Variants in FAM3C observed in about 807,000 individuals in gnomAD.
The protein encoded by FAM3C is protein FAM3C.
Under a neutral mutation model 32.5 loss-of-function variants are expected in FAM3C, and 15 were observed. That is an observed-to-expected ratio of 0.46 (90% CI 0.31 to 0.71). The LOEUF (loss-of-function observed/expected upper bound fraction) is 0.71. Ranked by LOEUF, FAM3C falls within the 30% of genes least tolerant of loss-of-function variation. FAM3C has a pLI of 0.05. For missense variants in FAM3C, 175 were observed against 274.4 expected (o/e 0.64, Z 2.56); for synonymous variants, 75 against 86.1 (o/e 0.87, Z 0.72).
chr7:121,355,158 A>G (rs1206925990), intron 8 of FAM3C, among the ~76,000 whole-genome samples: 2 of 152,212 alleles, frequency 1.3e-5, no homozygotes, highest in Non-Finnish European at 2.9e-5. Flanking sequence ...TATCTTTTAC[A>G]GGGAGGCAAA....
At chr7:121,386,488 T>C (rs970714339) in intron 1 of FAM3C, among the ~76,000 whole-genome samples, 2 of 151,988 alleles carry the variant, frequency 1.3e-5, no homozygotes, top group Admixed American at 6.6e-5. Context: ...CTGTCAGAGC[T>C]TGCCAACTTG....
chr7:121,372,198 T>C, intron 3 of FAM3C, 59 bp from the exon 4 acceptor site: 6 of 1,153,962 alleles, frequency 5.2e-6, no homozygotes, highest in Non-Finnish European at 6.5e-6. Flanking sequence ...GTATCCACTT[T>C]TAAAATATAT....
intron 8 of FAM3C, among the ~76,000 whole-genome samples, chr7:121,359,175 T>G (rs995633018): frequency 6.6e-6 from 1 of 151,968 alleles, no homozygotes; most frequent in Admixed American, 6.6e-5. Context: ...ATCCTTTAAT[T>G]AATCATTTCC....
At chr7:121,368,146 TTATCACCTGTCTG>T (rs1794061219) in intron 5 of FAM3C, among the ~76,000 whole-genome samples, 1 of 152,190 alleles carries the variant, frequency 6.6e-6, no homozygotes, top group Non-Finnish European at 1.5e-5. Flanking sequence ...CTAATTGTAA[TTATCACCTGTCTG>T]TATCAGAGTT....
In FAM3C at chr7:121,362,485, C is replaced by T. The variant is rs568396270; in HGVS notation, c.382+412G>A. Among the ~76,000 whole-genome samples the T allele has an allele frequency of 1.5e-3, 231 of 151,668 alleles. 1 individual carries two copies. The highest frequency in any genetic ancestry group is 1.7e-3 in the Non-Finnish European group (117 of 67,924). ...TGCTCCTAATGATTTATTTTTGAGA[C>T]TAAAAAATCACATTTAAAAAAAAAT... On this transcript the variant is annotated intron_variant, in intron 7 of 9. Coordinates refer to ENST00000359943, the MANE Select transcript of FAM3C (RefSeq NM_014888.3).
chr7:121,362,234 C>G (rs1668081707), intron 7 of FAM3C, among the ~76,000 whole-genome samples: 1 of 152,156 alleles, frequency 6.6e-6, no homozygotes, highest in Non-Finnish European at 1.5e-5. Context: ...GGGTGCCAGT[C>G]CCTTGCCTCT....
At chr7:121,362,195 C>T (rs938124415) in intron 7 of FAM3C, among the ~76,000 whole-genome samples, 2 of 152,134 alleles carry the variant, frequency 1.3e-5, no homozygotes, top group African/African-American at 4.8e-5. Flanking sequence ...AGGAAAAAAA[C>T]CCATTCTTCC....
intron 5 of FAM3C, among the ~76,000 whole-genome samples, chr7:121,370,855 C>T (rs1794131522): frequency 6.6e-6 from 1 of 152,228 alleles, no homozygotes; most frequent in Non-Finnish European, 1.5e-5. Context: ...GATGAAAATG[C>T]TCTCTCTGCT....
intron 1 of FAM3C, among the ~76,000 whole-genome samples, chr7:121,384,932 TTCC>T (rs1315364851): frequency 3.3e-5 from 5 of 152,152 alleles, no homozygotes; most frequent in Admixed American, 3.3e-4. Context: ...TTCTAAATCA[TTCC>T]TATTTGTCTT....
At chr7:121,360,345 T>C (rs1323546302) in intron 7 of FAM3C, among the ~76,000 whole-genome samples, 2 of 152,188 alleles carry the variant, frequency 1.3e-5, no homozygotes, top group African/African-American at 4.8e-5. Flanking sequence ...CCATTCCTGA[T>C]TTATCCTGTG....
intron 8 of FAM3C, among the ~76,000 whole-genome samples, chr7:121,353,447 G>A (rs892864035): frequency 1.3e-5 from 2 of 152,180 alleles, no homozygotes; most frequent in Non-Finnish European, 2.9e-5. Context: ...GAGATCCTGT[G>A]CAGATATGCA....
Position 121,361,428 on chromosome 7 carries a change from T to C in FAM3C, c.383-1301A>G, listed in dbSNP as rs370305689. On this transcript the variant is annotated intron_variant, in intron 7 of 9. Transcript: ENST00000359943. ...CAAAAGTGGCAATAAACTGCAACAA[T>C]TTCCTAACTAGAAGAATGCTGCTAG... Among the ~76,000 whole-genome samples, 19 of 152,212 alleles carry C rather than the reference T, an allele frequency of 1.2e-4. 1 individual carries two copies. Among genetic ancestry groups the C allele is most frequent in the Admixed American group, 1.1e-3 (17 of 15,282 alleles).
chr7:121,377,863 A>T (rs1794270142), intron 3 of FAM3C, among the ~76,000 whole-genome samples: 1 of 152,230 alleles, frequency 6.6e-6, no homozygotes, highest in Non-Finnish European at 1.5e-5. Context: ...GTGGTAGGCT[A>T]TACCATCTAG....
chr7:121,353,116 A>G (rs889868743), intron 8 of FAM3C, among the ~76,000 whole-genome samples: 1 of 152,214 alleles, frequency 6.6e-6, no homozygotes, highest in African/African-American at 2.4e-5. Context: ...TGAAATGATG[A>G]ATGTGAAGTT....
chr7:121,384,484 A>G (rs879312437), intron 1 of FAM3C, among the ~76,000 whole-genome samples: 2 of 152,190 alleles, frequency 1.3e-5, no homozygotes, highest in African/African-American at 4.8e-5. Flanking sequence ...TTCCAAAATA[A>G]CTTCACTCTT....
intron 3 of FAM3C, among the ~76,000 whole-genome samples, chr7:121,376,284 G>T (rs1442918132): frequency 6.6e-6 from 1 of 152,202 alleles, no homozygotes; most frequent in East Asian, 1.9e-4. Context: ...AAGAGAAATG[G>T]CTGAAAGGGA....
In FAM3C at chr7:121,388,572, A is replaced by G. The variant is rs571257708; in HGVS notation, c.-41-5562T>C. On this transcript the variant is annotated intron_variant, in intron 1 of 9. Transcript: ENST00000359943. ...AGCAACAGACCAAAAACTTATAAAC[A>G]ATGGGTCAAGTGAACCAATAAGAGT... 2.0e-5 allele frequency among the ~76,000 whole-genome samples: 3 copies of G among 152,210 alleles called. No individual in the cohort carries two copies. The South Asian group carries it at 6.2e-4, about 32-fold the overall frequency.
In FAM3C at chr7:121,395,464, T is replaced by TAA. The variant is rs74647810; in HGVS notation, c.-42+696_-42+697dup. 4.9e-5 allele frequency among the ~76,000 whole-genome samples: 7 copies of TAA among 141,938 alleles called. No individual in the cohort carries two copies. The South Asian group carries it at 1.1e-3, about 22-fold the overall frequency. The allele number at this position is 141,938 out of a possible 152,430, so 93.1% of individuals were successfully genotyped here. ...TATTACAGGCAATAATATTTTTTCT[T>TAA]AAAAAAAAAAAAGGTAGAGGATGAT... On this transcript the variant is annotated intron_variant, in intron 1 of 9. Coordinates refer to ENST00000359943, the MANE Select transcript of FAM3C (RefSeq NM_014888.3).
At chr7:121,363,258 G>A (rs2707475) in intron 6 of FAM3C, among the ~76,000 whole-genome samples, 1 of 151,880 alleles carries the variant, frequency 6.6e-6, no homozygotes. Context: ...ATATTTCATC[G>A]TTGTTTCCAT....
Sources: allele counts gnomAD v4.1 joint callset (sites outside exome capture counted in the v4.1 genomes callset), GRCh38; gene constraint gnomAD v4.1.1; transcripts MANE v1.5; gene names NCBI Gene and HGNC (gene_info 2026-07-23, HGNC 2026-07-21).